ABCC9: variants seen among roughly 807,000 people sequenced by gnomAD.
The protein encoded by ABCC9 is ATP binding cassette subfamily C member 9.
Under a neutral mutation model 188.3 loss-of-function variants are expected in ABCC9, and 95 were observed. The observed-to-expected ratio is 0.50, with a 90% confidence interval of 0.43 to 0.60. The LOEUF (loss-of-function observed/expected upper bound fraction) is 0.60, where lower values mean the gene tolerates loss of function less well. Among genes scored for constraint, ABCC9 ranks in the 20% least tolerant of loss-of-function variants. ABCC9 has a pLI of 0.00. For synonymous variants in ABCC9, 659 were observed against 652.7 expected (o/e 1.01, Z -0.15); for missense variants, 1,102 against 1,876.3 (o/e 0.59, Z 7.62).
intron 18 of ABCC9, among the ~76,000 whole-genome samples, chr12:21,865,560 A>G (rs958517482): frequency 7.9e-5 from 12 of 152,262 alleles, no homozygotes; most frequent in Admixed American, 3.9e-4. Context: ...CACTAGTTTT[A>G]ACTAATTTGA....
At chr12:21,907,099 T>C (rs1313569321) in intron 11 of ABCC9, among the ~76,000 whole-genome samples, 1 of 152,102 alleles carries the variant, frequency 6.6e-6, no homozygotes, top group Non-Finnish European at 1.5e-5. Context: ...ATGTTTTGTC[T>C]TTACAGGGTG....
intron 15 of ABCC9, among the ~76,000 whole-genome samples, chr12:21,883,240 C>G (rs1333751532): frequency 6.6e-6 from 1 of 152,198 alleles, no homozygotes; most frequent in Non-Finnish European, 1.5e-5. Context: ...TCAGGTCAAA[C>G]TAGAATCCAT....
intron 18 of ABCC9, among the ~76,000 whole-genome samples, chr12:21,868,513 C>T (rs537226560): frequency 1.3e-5 from 2 of 152,212 alleles, no homozygotes; most frequent in South Asian, 4.2e-4. Context: ...GTGGCAGGCA[C>T]CTGTAGTCTC....
At chr12:21,810,163 TTG>T (rs1342450585) in intron 36 of ABCC9, among the ~76,000 whole-genome samples, 1 of 152,176 alleles carries the variant, frequency 6.6e-6, no homozygotes, top group Non-Finnish European at 1.5e-5. Context: ...GTATAAAAAA[TTG>T]TCTTGATATC....
In ABCC9 at chr12:21,801,108, G is replaced by A. The variant is rs568984710; in HGVS notation, c.4586C>T (p.Thr1529Ile). 1.2e-6 allele frequency: 2 copies of A among 1,614,010 alleles called. No homozygotes were observed. The highest frequency in any genetic ancestry group is 2.2e-5 in the East Asian group (1 of 44,866). Residue 1529 changes from threonine to isoleucine, a missense_variant, in exon 40 of 40, where the codon ACT (threonine) becomes ATT (isoleucine). Physicochemically the swap from Thr to Ile is moderately conservative, Grantham distance 89. Transcript: ENST00000261200. ...MKRGNILEYD[T>I]PESLLAQENG... ...TTCCTGAGCCAAGAGGCTTTCTGGAGTGTCATATTCTAAAATATTTCCTCG... is the reference window on the plus strand; with the variant it reads ...TTCCTGAGCCAAGAGGCTTTCTGGAATGTCATATTCTAAAATATTTCCTCG...
intron 13 of ABCC9, 71 bp downstream of exon 13, chr12:21,895,204 C>T: frequency 3.0e-6 from 4 of 1,341,598 alleles, no homozygotes; most frequent in Non-Finnish European, 4.3e-6. Flanking sequence ...ACTACCCACA[C>T]ATTCTTGCTC....
intron 18 of ABCC9, among the ~76,000 whole-genome samples, chr12:21,869,875 A>C (rs1030592197): frequency 6.6e-6 from 1 of 152,236 alleles, no homozygotes; most frequent in South Asian, 2.1e-4. Context: ...TAAATGTTGA[A>C]TGAAAAAGAA....
chr12:21,813,000 T>G (rs1294450683), intron 35 of ABCC9, among the ~76,000 whole-genome samples: 1 of 152,172 alleles, frequency 6.6e-6, no homozygotes, highest in Non-Finnish European at 1.5e-5. Flanking sequence ...GTACTTTTCC[T>G]TCTAGTATTC....
At chr12:21,858,015 G>C (rs897205702) in intron 22 of ABCC9, among the ~76,000 whole-genome samples, 2 of 152,156 alleles carry the variant, frequency 1.3e-5, no homozygotes, top group African/African-American at 4.8e-5. Flanking sequence ...AGCTGTTAGA[G>C]TTAATGCTAA....
chr12:21,911,368 CT>C lies in ABCC9; in HGVS notation c.1012-391del, dbSNP rs529407799. Among the ~76,000 whole-genome samples the C allele has an allele frequency of 3.5e-3, 525 of 151,902 alleles. 2 individuals are homozygous for C. Among genetic ancestry groups the C allele is most frequent in the African/African-American group, 0.012 (510 of 41,502 alleles). ...GGAAGACATATACAATTTTGGTAGCCTTATTAGTTTAAAATAATTCCACTCA... is the reference window on the plus strand; with the variant it reads ...GGAAGACATATACAATTTTGGTAGCCTATTAGTTTAAAATAATTCCACTCA... On this transcript the variant is annotated intron_variant, in intron 8 of 39. Coordinates refer to ENST00000261200, the MANE Select transcript of ABCC9 (RefSeq NM_020297.4).
intron 18 of ABCC9, 87 bp downstream of exon 18, chr12:21,872,538 C>T (rs1946132931): frequency 9.4e-7 from 1 of 1,058,560 alleles, no homozygotes; most frequent in Non-Finnish European, 1.5e-6. Context: ...AGAGTCAGAA[C>T]ATGTAAATGT....
At chr12:21,915,514 A>ATTTTTTTTTTTTTT (rs71053356) in intron 7 of ABCC9, among the ~76,000 whole-genome samples, 154 bp downstream of exon 7, 186 of 3,522 alleles carry the variant, frequency 0.053, 60 homozygotes, top group East Asian at 0.062. Flanking sequence ...ATATATATAT[A>ATTTTTTTTTTTTTT]TTTTTTTTTT....
intron 25 of ABCC9, among the ~76,000 whole-genome samples, chr12:21,847,528 A>C (rs2137408798): frequency 6.6e-6 from 1 of 152,286 alleles, no homozygotes; most frequent in Non-Finnish European, 1.5e-5. Flanking sequence ...GGCATAAAGC[A>C]TTTACTCTAT....
intron 26 of ABCC9, 152 bp downstream of exon 26, chr12:21,845,451 C>T: frequency 3.2e-6 from 2 of 627,350 alleles, no homozygotes; most frequent in East Asian, 2.8e-5. Flanking sequence ...ATAGTTTATT[C>T]TATTTCAGGT....
chr12:21,864,038 T>C (rs1161782885), intron 19 of ABCC9, among the ~76,000 whole-genome samples: 1 of 152,084 alleles, frequency 6.6e-6, no homozygotes, highest in Admixed American at 6.6e-5. Context: ...GTTTTTGTTT[T>C]TGTTTTTCCT....
At chr12:21,925,645 C>A in intron 5 of ABCC9, 1 of 642,830 alleles carries the variant, frequency 1.6e-6, no homozygotes, top group Non-Finnish European at 2.8e-6. Flanking sequence ...CTTCTGCAAG[C>A]CAGAAGGCCA....
At chr12:21,910,464 C>A in intron 9 of ABCC9, 152 bp from the exon 10 acceptor site, 1 of 794,480 alleles carries the variant, frequency 1.3e-6, no homozygotes, top group Non-Finnish European at 1.9e-6. Context: ...TCAGCCACTA[C>A]AGTTATTTCT....
chr12:21,801,151 G>A lies in ABCC9; in HGVS notation c.4543C>T (p.Leu1515=). The A allele has an allele frequency of 6.2e-7, 1 of 1,613,942 alleles. No individual in the cohort carries two copies. The highest frequency in any genetic ancestry group is 1.1e-5 in the South Asian group (1 of 91,078). Residue 1515 remains leucine (L), a synonymous_variant, in exon 40 of 40, where the codon CTG becomes TTG. Transcript: ENST00000261200. Reference sequence around the variant, plus strand: ...TTTCCTCGCTTCATCACAATAACCAGGTCTGCCGTCAGAATAGTGTGTACT... The same window carrying A: ...TTTCCTCGCTTCATCACAATAACCAAGTCTGCCGTCAGAATAGTGTGTACT... ...HRVHTILTAD[L]VIVMKRGNIL... is the part of the protein sequence containing the mutation.
At chr12:21,908,560 A>G (rs1046996387) in intron 10 of ABCC9, among the ~76,000 whole-genome samples, 1 of 151,976 alleles carries the variant, frequency 6.6e-6, no homozygotes, top group Non-Finnish European at 1.5e-5. Flanking sequence ...AAAAGGGCAT[A>G]AATTTTTTCT....
Sources: gnomAD v4.1 joint callset for allele counts (sites outside exome capture counted in the v4.1 genomes callset) on GRCh38, gnomAD v4.1.1 for gene constraint, MANE v1.5 for transcripts, NCBI Gene and HGNC (gene_info 2026-07-23, HGNC 2026-07-21) for gene names.